PXYLP1: variants seen among roughly 807,000 people sequenced by gnomAD.
The protein encoded by PXYLP1 is 2-phosphoxylose phosphatase 1, also known as acid phosphatase-like 2.
Under a neutral mutation model 37.9 loss-of-function variants are expected in PXYLP1, and 17 were observed. The ratio of observed to expected loss-of-function variants is 0.45; its 90% CI spans 0.31 to 0.67. PXYLP1 has a LOEUF of 0.67. Among genes scored for constraint, PXYLP1 ranks in the 30% least tolerant of loss-of-function variants. The pLI is 0.07. For missense variants in PXYLP1, 511 were observed against 612.0 expected (o/e 0.84, Z 1.74); for synonymous variants, 221 against 232.2 (o/e 0.95, Z 0.44).
chr3:141,271,877 G>A (rs1260322957), intron 2 of PXYLP1, among the ~76,000 whole-genome samples: 2 of 152,204 alleles, frequency 1.3e-5, no homozygotes, highest in Non-Finnish European at 1.5e-5. Context: ...AGCCCCCACC[G>A]GGCCATGGGG....
At position 141,292,469 on chromosome 3, in the gene PXYLP1, C is replaced by T; in HGVS notation, c.707C>T (p.Pro236Leu). 6.2e-7 allele frequency: 1 copy of T among 1,614,208 alleles called. No individual in the cohort carries two copies. Among genetic ancestry groups the T allele is most frequent in the Non-Finnish European group, 8.5e-7 (1 of 1,180,046 alleles). The change falls in exon 6 of 6, where the codon CCA becomes CTA. Residue 236 changes from proline (P) to leucine (L), a missense_variant. Pro to Leu is a moderately conservative substitution (Grantham distance 98). Transcript: ENST00000286353. The surrounding 1 kb of genome is among the most constrained non-coding windows in gnomAD (Gnocchi z 4.3). ...AAGAAGATTTATTTCAGGCACCAGCCAAGTGCGCTGTTCTGCTCTGGAAGC... is the reference window on the plus strand; with the variant it reads ...AAGAAGATTTATTTCAGGCACCAGCTAAGTGCGCTGTTCTGCTCTGGAAGC... ...DWKKIYFRHQ[P>L]SALFCSGSCY...
At chr3:141,248,193 T>C (rs1046760859) in intron 1 of PXYLP1, among the ~76,000 whole-genome samples, 22 of 151,724 alleles carry the variant, frequency 1.5e-4, no homozygotes, top group Admixed American at 1.4e-3. Flanking sequence ...CAGGTAATTT[T>C]TTGTGTGTGT....
At chr3:141,286,312 A>C (rs944674712) in intron 4 of PXYLP1, among the ~76,000 whole-genome samples, 1 of 152,244 alleles carries the variant, frequency 6.6e-6, no homozygotes, top group Admixed American at 6.5e-5. Context: ...TCTCATATAT[A>C]AACTTTTTTT....
chr3:141,259,666 A>G (rs977133580), intron 1 of PXYLP1, among the ~76,000 whole-genome samples: 3 of 152,212 alleles, frequency 2.0e-5, no homozygotes, highest in African/African-American at 7.2e-5. Context: ...ATTGTTGTTC[A>G]GATTAACAAT....
intron 2 of PXYLP1, among the ~76,000 whole-genome samples, chr3:141,269,584 T>C (rs1191628573): frequency 6.6e-6 from 1 of 152,186 alleles, no homozygotes; most frequent in African/African-American, 2.4e-5. Context: ...ACTTCTGCAT[T>C]GTCCCATGGG....
chr3:141,279,244 C>T, intron 3 of PXYLP1, 134 bp from the exon 4 acceptor site: 8 of 1,124,120 alleles, frequency 7.1e-6, no homozygotes, highest in Non-Finnish European at 1.0e-5. Flanking sequence ...GGTGGCTCTG[C>T]AAACCCACGG....
intron 1 of PXYLP1, among the ~76,000 whole-genome samples, chr3:141,252,362 T>C (rs144870746): frequency 6.6e-6 from 1 of 152,194 alleles, no homozygotes; most frequent in Non-Finnish European, 1.5e-5. Flanking sequence ...ATTTAGTTCA[T>C]GGTTATGCAG....
intron 1 of PXYLP1, among the ~76,000 whole-genome samples, 162 bp from the exon 2 acceptor site, chr3:141,259,961 A>C (rs1266302576): frequency 2.0e-5 from 3 of 152,216 alleles, no homozygotes; most frequent in Non-Finnish European, 4.4e-5. Flanking sequence ...GCAAAGACTA[A>C]TCATAGAGCA....
intron 5 of PXYLP1, among the ~76,000 whole-genome samples, chr3:141,290,676 G>A (rs926890150): frequency 2.0e-5 from 3 of 152,112 alleles, no homozygotes; most frequent in African/African-American, 4.8e-5. Context: ...TTTGTATTTC[G>A]GCATGAAAAT....
At chr3:141,270,304 C>T (rs1247374363) in intron 2 of PXYLP1, among the ~76,000 whole-genome samples, 1 of 152,242 alleles carries the variant, frequency 6.6e-6, no homozygotes, top group African/African-American at 2.4e-5. Context: ...CCAAGTGTCT[C>T]AAAGTCTACA....
intron 2 of PXYLP1, among the ~76,000 whole-genome samples, chr3:141,265,146 A>G (rs79292566): frequency 6.6e-6 from 1 of 152,270 alleles, no homozygotes; most frequent in East Asian, 1.9e-4. Context: ...ACCTGTAGGT[A>G]GTTGTGAAGT....
intron 1 of PXYLP1, among the ~76,000 whole-genome samples, chr3:141,246,482 C>G (rs2107914432): frequency 6.6e-6 from 1 of 152,286 alleles, no homozygotes; most frequent in Admixed American, 6.5e-5. Flanking sequence ...AGAAAGTGAT[C>G]TTTGAGCTGG....
intron 1 of PXYLP1, among the ~76,000 whole-genome samples, chr3:141,253,261 G>A (rs1941185586): frequency 6.6e-6 from 1 of 152,170 alleles, no homozygotes; most frequent in Non-Finnish European, 1.5e-5. Flanking sequence ...TGGGTGCTGG[G>A]CCAGGCAAGC....
In PXYLP1 at chr3:141,293,297, A is replaced by G; in HGVS notation, c.*92A>G. ...TTTTGTCTGTTACTAAGGGTAGAAG[A>G]TTATTGCTTTTTAAAGGCTAAATAT... On this transcript the variant is annotated 3_prime_UTR_variant, in exon 6 of 6. Coordinates refer to ENST00000286353, the MANE Select transcript of PXYLP1 (RefSeq NM_001037172.3). The G allele has an allele frequency of 1.6e-6, 2 of 1,289,092 alleles. No individual in the cohort carries two copies. Among genetic ancestry groups the G allele is most frequent in the East Asian group, 2.4e-5 (1 of 41,108 alleles). 79.9% of individuals were successfully genotyped at this position (1,289,092 alleles called of 1,614,324 possible).
intron 1 of PXYLP1, among the ~76,000 whole-genome samples, chr3:141,246,178 A>G (rs1365204188): frequency 6.6e-6 from 1 of 152,096 alleles, no homozygotes; most frequent in African/African-American, 2.4e-5. Context: ...ATTAAAAGAG[A>G]GCTCTCTAAG....
intron 4 of PXYLP1, among the ~76,000 whole-genome samples, chr3:141,283,917 G>T (rs1942013193): frequency 8.6e-5 from 13 of 151,944 alleles, no homozygotes. Flanking sequence ...TAAAAGTGAA[G>T]ATAAGGACTC....
rs1205178922 is a variant in PXYLP1, at chr3:141,294,546, G to C, written c.*1341G>C. 3 of 152,200 alleles carry C rather than the reference G, an allele frequency of 2.0e-5. No individual in the cohort carries two copies. The East Asian group carries it at 5.8e-4, about 29-fold the overall frequency. 9.4% of individuals were successfully genotyped at this position (152,200 alleles called of 1,614,324 possible). On this transcript the variant is annotated 3_prime_UTR_variant, in exon 6 of 6. Transcript: ENST00000286353. The stretch of plus-strand genomic sequence containing the variant: ...GAAAGTGAAAGTGAGATTCTCTGTT[G>C]TCATCGGCATTCCAACTTTTTCTCT...
intron 2 of PXYLP1, among the ~76,000 whole-genome samples, chr3:141,266,366 G>C (rs973523958): frequency 6.6e-6 from 1 of 152,220 alleles, no homozygotes; most frequent in African/African-American, 2.4e-5. Context: ...ACCCTGGGTG[G>C]GGAGAGTGCT....
intron 4 of PXYLP1, among the ~76,000 whole-genome samples, chr3:141,282,437 C>T (rs1371120235): frequency 6.6e-6 from 1 of 151,788 alleles, no homozygotes; most frequent in Non-Finnish European, 1.5e-5. Context: ...CCCCCTTAGC[C>T]TGCTCTTCTC....
Sources: allele counts gnomAD v4.1 joint callset (sites outside exome capture counted in the v4.1 genomes callset), GRCh38; gene constraint gnomAD v4.1.1; non-coding constraint Gnocchi (gnomAD v3.1); transcripts MANE v1.5; gene names NCBI Gene and HGNC (gene_info 2026-07-23, HGNC 2026-07-21).